DGKD: variants seen among roughly 807,000 people sequenced by gnomAD.
DGKD encodes diacylglycerol kinase delta, also known as DAG kinase delta.
In DGKD, 68 loss-of-function variants were observed where a neutral mutation model predicts 154.4. The observed-to-expected ratio is 0.44, with a 90% confidence interval of 0.36 to 0.54. The LOEUF is 0.54. Among genes scored for constraint, DGKD ranks in the 20% least tolerant of loss-of-function variants. The pLI, the probability that DGKD is intolerant of heterozygous loss-of-function variation, is 0.00. For missense variants in DGKD, 1,343 were observed against 1,593.6 expected (o/e 0.84, Z 2.68); for synonymous variants, 693 against 638.0 (o/e 1.09, Z -1.30).
At chr2:233,437,918 A>G (rs2062752647) in intron 8 of DGKD, among the ~76,000 whole-genome samples, 1 of 152,180 alleles carries the variant, frequency 6.6e-6, no homozygotes, top group African/African-American at 2.4e-5. Context: ...GCACCTGTTG[A>G]CAAGTACTGG....
intron 1 of DGKD, among the ~76,000 whole-genome samples, chr2:233,358,283 G>C (rs1463779785): frequency 6.6e-6 from 1 of 152,222 alleles, no homozygotes; most frequent in Non-Finnish European, 1.5e-5. Flanking sequence ...AGTTAAAAGA[G>C]TTTAATTTAT....
intron 1 of DGKD, among the ~76,000 whole-genome samples, chr2:233,356,830 TTTC>T (rs1253880303): frequency 6.6e-6 from 1 of 152,206 alleles, no homozygotes. Context: ...ATTTTTTTTT[TTTC>T]CAGCAGATAA....
At chr2:233,388,221 A>C in intron 1 of DGKD, 36 bp from the exon 2 acceptor site, 2 of 1,596,806 alleles carry the variant, frequency 1.3e-6, no homozygotes, top group Non-Finnish European at 1.7e-6. Context: ...GGCACCTTGA[A>C]AACGCAAGTT....
chr2:233,393,731 G>T (rs1225046521), intron 3 of DGKD, among the ~76,000 whole-genome samples: 1 of 150,308 alleles, frequency 6.7e-6, no homozygotes, highest in Non-Finnish European at 1.5e-5. Flanking sequence ...TTGCCCAGGG[G>T]GGAGTGTAGT....
intron 24 of DGKD, 150 bp from the exon 25 acceptor site, chr2:233,462,198 G>A (rs565410584): frequency 2.9e-5 from 17 of 588,912 alleles, no homozygotes; most frequent in South Asian, 1.9e-4. Flanking sequence ...CTGAACGGTC[G>A]CTGGGCTGAG....
intron 26 of DGKD, among the ~76,000 whole-genome samples, chr2:233,463,376 C>T (rs558656857): frequency 1.2e-4 from 16 of 133,266 alleles, no homozygotes; most frequent in African/African-American, 2.1e-4. Flanking sequence ...TCACTCCACA[C>T]ATCTCCTCAC....
chr2:233,467,082 A>G lies in DGKD; in HGVS notation c.3307-4A>G. On this transcript the variant is annotated splice_region_variant and splice_polypyrimidine_tract_variant and intron_variant, in intron 27 of 29. Coordinates refer to ENST00000264057, the MANE Select transcript of DGKD (RefSeq NM_152879.3). ...TTCTCAGTATTCCTCATTCTCCCCA[A>G]CAGAGTGTGATGCTGGATCTTGCCA... 2 of 1,610,378 alleles carry G rather than the reference A, an allele frequency of 1.2e-6. No individual in the cohort carries two copies. Among genetic ancestry groups the G allele is most frequent in the Non-Finnish European group, 1.7e-6 (2 of 1,176,608 alleles).
chr2:233,447,528 T>A, intron 12 of DGKD: 1 of 984,962 alleles, frequency 1.0e-6, no homozygotes, highest in Non-Finnish European at 1.2e-6. Flanking sequence ...AAAAAAAAAT[T>A]TTTTTTTTGA....
At chr2:233,375,051 C>T (rs906315098) in intron 1 of DGKD, among the ~76,000 whole-genome samples, 8 of 152,088 alleles carry the variant, frequency 5.3e-5, no homozygotes, top group Admixed American at 1.3e-4. Context: ...GCACTTTGGG[C>T]GCCCAAGTCC....
At chr2:233,447,854 G>T in intron 12 of DGKD, 1 of 1,361,166 alleles carries the variant, frequency 7.3e-7, no homozygotes, top group Non-Finnish European at 9.5e-7. Flanking sequence ...AGATTCATTT[G>T]CAGTTTGCCT....
intron 3 of DGKD, among the ~76,000 whole-genome samples, chr2:233,418,759 A>T (rs544611896): frequency 1.5e-3 from 223 of 152,220 alleles, no homozygotes; most frequent in African/African-American, 4.7e-3. Context: ...TGCAGGTGAG[A>T]TGCAGCCCAG....
chr2:233,464,127 C>T, intron 26 of DGKD, 37 bp from the exon 27 acceptor site: 1 of 1,612,832 alleles, frequency 6.2e-7, no homozygotes, highest in Non-Finnish European at 8.5e-7. Context: ...GCAGTGCACA[C>T]TCTCCATTTC....
chr2:233,406,460 G>A (rs1256544464), intron 3 of DGKD, among the ~76,000 whole-genome samples: 1 of 152,122 alleles, frequency 6.6e-6, no homozygotes, highest in Non-Finnish European at 1.5e-5. Flanking sequence ...AAGGTCGACC[G>A]AGCCCTTCCA....
In DGKD at chr2:233,448,388, G is replaced by A; in HGVS notation, c.1614+13G>A. On this transcript the variant is annotated intron_variant, in intron 14 of 29. Coordinates refer to ENST00000264057, the MANE Select transcript of DGKD (RefSeq NM_152879.3). ...CATGGCCAAGAAGGTCTGTTCCCGT[G>A]CCCTGGGTGGGAGGGGCATTGAGGC... 1 of 1,611,036 alleles carries A rather than the reference G, an allele frequency of 6.2e-7. No homozygotes were observed. The highest frequency in any genetic ancestry group is 8.5e-7 in the Non-Finnish European group (1 of 1,177,748).
intron 18 of DGKD, among the ~76,000 whole-genome samples, chr2:233,453,576 T>C (rs1490851884): frequency 2.6e-5 from 4 of 152,256 alleles, no homozygotes; most frequent in African/African-American, 7.2e-5. Flanking sequence ...AGCTAAAGTG[T>C]GTCAGAATTC....
Position 233,450,026 on chromosome 2 carries a change from G to T in DGKD, c.1933G>T (p.Val645Phe). The change falls in exon 16 of 30, where the codon GTC (valine) becomes TTC (phenylalanine). Residue 645 changes from valine to phenylalanine, a missense_variant. By Grantham distance (50) the Val-to-Phe change is conservative. Coordinates refer to ENST00000264057, the MANE Select transcript of DGKD (RefSeq NM_152879.3). ...CCAGACCCAGGAGCAGGAGGGCTTCGTCCTGGGCCTCTCTGAGTCAGAGGA... is the reference window on the plus strand; with the variant it reads ...CCAGACCCAGGAGCAGGAGGGCTTCTTCCTGGGCCTCTCTGAGTCAGAGGA... ...NAQTQEQEGF[V>F]LGLSESEEKM... 6.2e-7 allele frequency: 1 copy of T among 1,613,660 alleles called. No individual in the cohort carries two copies. Among genetic ancestry groups the T allele is most frequent in the Non-Finnish European group, 8.5e-7 (1 of 1,179,786 alleles).
At chr2:233,468,064 G>A (rs908784952) in intron 28 of DGKD, among the ~76,000 whole-genome samples, 1 of 152,006 alleles carries the variant, frequency 6.6e-6, no homozygotes, top group African/African-American at 2.4e-5. Flanking sequence ...GAGGCTGGCG[G>A]CCCACCTGGC....
rs192494980 is a variant in DGKD at position 233,469,185 on chromosome 2, A to G, written c.3556-186A>G. 4.7e-3 allele frequency among the ~76,000 whole-genome samples: 722 copies of G among 152,356 alleles called. 4 individuals carry two copies. The highest frequency in any genetic ancestry group is 0.011 in the Admixed American group (171 of 15,306). ...TGGTAGTGACTAGAATGCAGGAACAATGGGCCAGGCATCTGTATGGTTGTT... is the reference window on the plus strand; with the variant it reads ...TGGTAGTGACTAGAATGCAGGAACAGTGGGCCAGGCATCTGTATGGTTGTT... On this transcript the variant is annotated intron_variant, in intron 29 of 29. Transcript: ENST00000264057.
chr2:233,367,575 A>C (rs940612115), intron 1 of DGKD, among the ~76,000 whole-genome samples: 2 of 152,022 alleles, frequency 1.3e-5, no homozygotes, highest in Non-Finnish European at 2.9e-5. Context: ...TTTTGTACCA[A>C]CCTAATAATC....
Sources: allele counts gnomAD v4.1 joint callset (sites outside exome capture counted in the v4.1 genomes callset), GRCh38; gene constraint gnomAD v4.1.1; transcripts MANE v1.5; gene names NCBI Gene and HGNC (gene_info 2026-07-23, HGNC 2026-07-21).